The following MTA3 variants were observed in gnomAD, a reference collection of about 807,000 sequenced individuals.
MTA3 encodes the protein metastasis associated 1 family member 3.
In MTA3, 34 loss-of-function variants were observed where a neutral mutation model predicts 83.5. The observed-to-expected ratio is 0.41, with a 90% CI of 0.31 to 0.54. The LOEUF (loss-of-function observed/expected upper bound fraction) is 0.54. MTA3 is among the 20% of genes least tolerant of loss of function. The probability of loss-of-function intolerance (pLI) is 0.33; values close to 1 mark genes in which losing one functional copy is unlikely to be tolerated. For missense variants in MTA3, 761 were observed against 726.4 expected (o/e 1.05, Z -0.55); for synonymous variants, 303 against 252.7 (o/e 1.20, Z -1.89).
intron 8 of MTA3, among the ~76,000 whole-genome samples, chr2:42,663,836 G>GT (rs1298256792): frequency 6.6e-6 from 1 of 152,156 alleles, no homozygotes; most frequent in Non-Finnish European, 1.5e-5. Flanking sequence ...ACCCTTCAGT[G>GT]TTTTTTATCT....
At chr2:42,626,405 C>G (rs368011122) in intron 4 of MTA3, among the ~76,000 whole-genome samples, 1 of 151,740 alleles carries the variant, frequency 6.6e-6, no homozygotes, top group Non-Finnish European at 1.5e-5. Flanking sequence ...TCAAGCGATT[C>G]TCCTGCCTCC....
At chr2:42,734,382 A>T (rs1194768030) in intron 16 of MTA3, among the ~76,000 whole-genome samples, 3 of 138,438 alleles carry the variant, frequency 2.2e-5, no homozygotes, top group African/African-American at 2.6e-5. Context: ...TTTGCATGGA[A>T]TTTTTTTTTT....
intron 2 of MTA3, among the ~76,000 whole-genome samples, chr2:42,536,075 A>T (rs1470662171): frequency 1.3e-5 from 2 of 151,584 alleles, no homozygotes; most frequent in African/African-American, 4.8e-5. Flanking sequence ...AGCTATGTTC[A>T]TGCCAGTGCC....
chr2:42,704,459 C>T (rs1341038803), intron 12 of MTA3, 141 bp downstream of exon 12: 7 of 931,700 alleles, frequency 7.5e-6, no homozygotes, highest in South Asian at 1.8e-5. Context: ...AGATGCCCCT[C>T]CTTACCTTCT....
chr2:42,665,434 T>C lies in MTA3; in HGVS notation c.702+5572T>C, dbSNP rs58479862. Among the ~76,000 whole-genome samples the C allele has an allele frequency of 1.2e-3, 178 of 152,230 alleles. 6 individuals carry two copies. The East Asian group carries it at 0.028, about 24-fold the overall frequency. On this transcript the variant is annotated intron_variant, in intron 8 of 16. Transcript: ENST00000405094. ...AAAAGTAGGTTTACAGTACTTACAT[T>C]GATCCTTTCTACCATTACCCCCATG... is the stretch of plus-strand genomic sequence containing the variant.
chr2:42,500,510 C>A (rs934266331), intron 2 of MTA3, among the ~76,000 whole-genome samples: 2 of 151,994 alleles, frequency 1.3e-5, no homozygotes, highest in Admixed American at 1.3e-4. Context: ...GCACTCCAGC[C>A]TGGGTGACAG....
intron 2 of MTA3, among the ~76,000 whole-genome samples, chr2:42,498,298 A>G (rs995485732): frequency 1.4e-4 from 22 of 152,246 alleles, no homozygotes; most frequent in Non-Finnish European, 2.9e-5. Context: ...TAAAAGGCTA[A>G]TGACTTAGCC....
At chr2:42,692,903 G>C (rs1373904806) in intron 9 of MTA3, among the ~76,000 whole-genome samples, 4 of 152,204 alleles carry the variant, frequency 2.6e-5, no homozygotes, top group Non-Finnish European at 5.9e-5. Context: ...CACAGTCTGG[G>C]CTTGTTTGTG....
chr2:42,728,443 T>G (rs1667975716), intron 16 of MTA3, among the ~76,000 whole-genome samples: 1 of 152,200 alleles, frequency 6.6e-6, no homozygotes, highest in Admixed American at 6.5e-5. Flanking sequence ...TCTTTTCTTT[T>G]GGGTATATAA....
At chr2:42,630,936 G>T (rs1686612659) in intron 4 of MTA3, among the ~76,000 whole-genome samples, 1 of 152,046 alleles carries the variant, frequency 6.6e-6, no homozygotes, top group South Asian at 2.1e-4. Context: ...TATGTTTATT[G>T]AAAAATAAAT....
rs1263491182 is a variant in MTA3 at position 42,524,479 on chromosome 2, T to TTTTTTG, written c.-141+29230_-141+29231insGTTTTT. Among the ~76,000 whole-genome samples, 202 of 114,798 alleles carry TTTTTTG rather than the reference T, an allele frequency of 1.8e-3. 2 individuals carry two copies. The highest frequency in any genetic ancestry group is 0.012 in the East Asian group (47 of 4,070). The allele number at this position is 114,798 out of a possible 152,430, so 75.3% of individuals were successfully genotyped here. A position where few individuals can be genotyped will look rare whatever the true frequency, so the allele number is the denominator to read the frequency against. On this transcript the variant is annotated intron_variant, in intron 2 of 17. Transcript: ENST00000405592. ...CCACGCCTGGCTAGTTGTGTTTTTT[T>TTTTTTG]TTTTTTTTTTTTTTTTTGTATTTTT...
At chr2:42,718,122 C>G (rs545063797) in intron 14 of MTA3, among the ~76,000 whole-genome samples, 1 of 80,338 alleles carries the variant, frequency 1.2e-5, no homozygotes, top group East Asian at 3.3e-4. Context: ...CGCTTTATTT[C>G]TAGGGGTTAA....
At chr2:42,599,465 G>A (rs908771408) in intron 3 of MTA3, among the ~76,000 whole-genome samples, 10 of 151,890 alleles carry the variant, frequency 6.6e-5, no homozygotes, top group African/African-American at 2.2e-4. Context: ...GTGTGGTGGC[G>A]GGCGCCTCCA....
intron 3 of MTA3, among the ~76,000 whole-genome samples, chr2:42,608,563 C>G (rs1683785592): frequency 6.6e-6 from 1 of 152,158 alleles, no homozygotes; most frequent in Non-Finnish European, 1.5e-5. Flanking sequence ...AGAACTACTT[C>G]AACAAGAGCA....
At chr2:42,586,491 C>A (rs1680310172) in intron 3 of MTA3, among the ~76,000 whole-genome samples, 1 of 146,636 alleles carries the variant, frequency 6.8e-6, no homozygotes, top group Non-Finnish European at 1.5e-5. Flanking sequence ...CACACACACA[C>A]ACACACACAC....
intron 3 of MTA3, among the ~76,000 whole-genome samples, chr2:42,602,194 C>T (rs1434330412): frequency 6.6e-6 from 1 of 152,136 alleles, no homozygotes; most frequent in East Asian, 1.9e-4. Flanking sequence ...CTAGGCTGGT[C>T]TGGATCTCCT....
intron 2 of MTA3, among the ~76,000 whole-genome samples, chr2:42,556,257 A>C (rs1677388013): frequency 6.6e-6 from 1 of 152,060 alleles, no homozygotes; most frequent in Non-Finnish European, 1.5e-5. Flanking sequence ...AGTCTCCCGA[A>C]AGCCTATAGA....
intron 2 of MTA3, among the ~76,000 whole-genome samples, chr2:42,503,776 G>C (rs1312021679): frequency 6.6e-6 from 1 of 152,118 alleles, no homozygotes; most frequent in African/African-American, 2.4e-5. Flanking sequence ...TCAGGAGGCA[G>C]ATGCAAGAGC....
intron 8 of MTA3, among the ~76,000 whole-genome samples, chr2:42,664,667 C>G (rs539671453): frequency 1.3e-5 from 2 of 151,862 alleles, no homozygotes; most frequent in Non-Finnish European, 2.9e-5. Context: ...CTATTCTGAT[C>G]GCTTTAGCAC....
Sources: gnomAD v4.1 joint callset for allele counts (sites outside exome capture counted in the v4.1 genomes callset) on GRCh38, gnomAD v4.1.1 for gene constraint, MANE v1.5 for transcripts, NCBI Gene and HGNC (gene_info 2026-07-23, HGNC 2026-07-21) for gene names.